Variants in BLOC1S3 observed in about 807,000 individuals in gnomAD.
BLOC1S3 encodes the protein biogenesis of lysosome-related organelles complex 1 subunit 3.
BLOC1S3 carries 7 observed loss-of-function variants against 9.1 expected under a neutral mutation model. That is an observed-to-expected ratio of 0.77 (90% CI 0.44 to 1.45). The LOEUF is 1.45. Ranked by LOEUF, BLOC1S3 falls within the 40% of genes most tolerant of loss-of-function variation. BLOC1S3 has a pLI of 0.01. For synonymous variants in BLOC1S3, 145 were observed against 158.4 expected (o/e 0.92, Z 0.64); for missense variants, 307 against 315.2 (o/e 0.97, Z 0.20).
chr19:45,179,733 TGGCGGCAGCCCA>T lies in BLOC1S3; in HGVS notation c.444_455del (p.Ala149_Ala152del). 3 of 1,460,996 alleles carry T rather than the reference TGGCGGCAGCCCA, an allele frequency of 2.1e-6. No individual in the cohort carries two copies. Among genetic ancestry groups the T allele is most frequent in the Non-Finnish European group, 2.7e-6 (3 of 1,115,296 alleles). 90.5% of individuals were successfully genotyped at this position (1,460,996 alleles called of 1,614,324 possible). A position where few individuals can be genotyped will look rare whatever the true frequency, so the allele number is the denominator to read the frequency against. ...GACGTGGCCGCCCTGGCTAGTAGGC[TGGCGGCAGCCCA>T]GGCGGCGGGGCTGGCGGCGGCCCAC... On this transcript the variant is annotated inframe_deletion, in exon 2 of 2. Coordinates refer to ENST00000433642, the MANE Select transcript of BLOC1S3 (RefSeq NM_212550.5). This position sits in a 1 kb window ranked among gnomAD's most constrained non-coding sequence, Gnocchi z 4.6.
At chr19:45,191,093 CCA>C (rs1040216420) in intron 2 of BLOC1S3, among the ~76,000 whole-genome samples, 1 of 151,090 alleles carries the variant, frequency 6.6e-6, no homozygotes, top group African/African-American at 2.4e-5. Flanking sequence ...GCGTGAGCCA[CCA>C]CACCCAGCCT....
Position 45,179,343 on chromosome 19 carries a change from CG to C in BLOC1S3, c.49del (p.Val17TrpfsTer112). 1 of 1,586,068 alleles carries C rather than the reference CG, an allele frequency of 6.3e-7. No individual in the cohort carries two copies. The highest frequency in any genetic ancestry group is 8.5e-7 in the Non-Finnish European group (1 of 1,174,614). On this transcript the variant is annotated frameshift_variant, in exon 2 of 2. Transcript: ENST00000433642. LOFTEE classifies it high-confidence loss of function. The surrounding 1 kb of genome is among the most constrained non-coding windows in gnomAD (Gnocchi z 4.6). The part of the protein sequence containing the change: ...RRRRPLRRPE[T>X]VVPGEATETD... The stretch of plus-strand genomic sequence containing the variant: ...CGGAGGCCCCTGCGGAGGCCGGAGA[CG>C]GTGGTGCCGGGGGAGGCGACCGAGA...
Position 45,179,397 on chromosome 19 carries a change from C to G in BLOC1S3, c.101C>G (p.Ser34Trp), listed in dbSNP as rs567410388. Residue 34 changes from serine to tryptophan, a missense_variant, in exon 2 of 2, where the codon TCG becomes TGG. Coordinates refer to ENST00000433642, the MANE Select transcript of BLOC1S3 (RefSeq NM_212550.5). This position sits in a 1 kb window ranked among gnomAD's most constrained non-coding sequence, Gnocchi z 4.6. ...GATTCCGAGCGCTCTGCGTCCTCGT[C>G]GGAGGAGGAGGAGCTGTACCTGGGT... ...ETDSERSASSSEEEELYLGPS... is the reference protein window; with the variant it reads ...ETDSERSASSWEEEELYLGPS... 1.9e-6 allele frequency: 3 copies of G among 1,575,194 alleles called. No individual in the cohort carries two copies. The highest frequency in any genetic ancestry group is 1.4e-5 in the African/African-American group (1 of 73,116).
chr19:45,211,321 G>A (rs8112823), intron 3 of BLOC1S3, among the ~76,000 whole-genome samples: 38,018 of 151,342 alleles, frequency 0.25, 6,107 homozygotes, highest in Middle Eastern at 0.47. Flanking sequence ...ACATGGTGAA[G>A]CCCCGTCTCT....
Position 45,179,391 on chromosome 19 carries a change from C to T in BLOC1S3, c.95C>T (p.Ser32Phe), listed in dbSNP as rs1280426153. ...GAGACGGATTCCGAGCGCTCTGCGT[C>T]CTCGTCGGAGGAGGAGGAGCTGTAC... ...ATETDSERSA[S>F]SSEEEELYLG... Residue 32 changes from serine to phenylalanine, a missense_variant, in exon 2 of 2, where the codon TCC becomes TTC. Coordinates refer to ENST00000433642, the MANE Select transcript of BLOC1S3 (RefSeq NM_212550.5). This position sits in a 1 kb window ranked among gnomAD's most constrained non-coding sequence, Gnocchi z 4.6. 13 of 1,578,626 alleles carry T rather than the reference C, an allele frequency of 8.2e-6. No homozygotes were observed. Among genetic ancestry groups the T allele is most frequent in the African/African-American group, 2.7e-5 (2 of 73,062 alleles).
chr19:45,198,606 T>TG (rs1969666995), intron 2 of BLOC1S3, among the ~76,000 whole-genome samples: 1 of 152,176 alleles, frequency 6.6e-6, no homozygotes, highest in Non-Finnish European at 1.5e-5. Flanking sequence ...CTTCATCACT[T>TG]TCAATATGTC....
intron 3 of BLOC1S3, chr19:45,212,945 A>T: frequency 8.6e-7 from 1 of 1,158,886 alleles, no homozygotes; most frequent in Non-Finnish European, 1.1e-6. Context: ...GTGAAAAGAC[A>T]TCTAAGGGTC....
In BLOC1S3 at chr19:45,190,530, G is replaced by A. The variant is rs1403829349; in HGVS notation, n.180+2790G>A. 2.6e-5 allele frequency among the ~76,000 whole-genome samples: 4 copies of A among 151,682 alleles called. No individual in the cohort carries two copies. In the East Asian group the frequency reaches 7.8e-4, roughly 30 times the overall value. On this transcript the variant is annotated intron_variant and non_coding_transcript_variant, in intron 2 of 3. Transcript: ENST00000591569. ...TCCTCTCACCTTAGCCTCCTGAGTA[G>A]CTGGGACCACAGGTGCACACTACCA...
chr19:45,193,815 G>GT (rs1969625155), intron 2 of BLOC1S3, among the ~76,000 whole-genome samples: 1 of 90,232 alleles, frequency 1.1e-5, no homozygotes. Flanking sequence ...TGTTGTTTTT[G>GT]TTTTTGAGAT....
At chr19:45,191,417 G>A (rs1344400073) in intron 2 of BLOC1S3, among the ~76,000 whole-genome samples, 12 of 152,160 alleles carry the variant, frequency 7.9e-5, no homozygotes, top group East Asian at 1.9e-4. Context: ...CACTGTGCCC[G>A]GCCGGCTTTA....
Position 45,179,933 on chromosome 19 carries a change from C to T in BLOC1S3, c.*28C>T, listed in dbSNP as rs187399565. 4.8e-5 allele frequency: 77 copies of T among 1,601,470 alleles called. No homozygotes were observed. In the African/African-American group the frequency reaches 9.5e-4, roughly 20 times the overall value. Reference sequence around the variant, plus strand: ...ATGATTCTACTTCCCAACCTGACTGCAATTTGGGGGTAGGCCTTGCTGCCT... The same window carrying T: ...ATGATTCTACTTCCCAACCTGACTGTAATTTGGGGGTAGGCCTTGCTGCCT... On this transcript the variant is annotated 3_prime_UTR_variant, in exon 2 of 2. Transcript: ENST00000433642. The surrounding 1 kb of genome is among the most constrained non-coding windows in gnomAD (Gnocchi z 4.6).
At chr19:45,197,500 A>G (rs1969657595) in intron 2 of BLOC1S3, among the ~76,000 whole-genome samples, 1 of 55,820 alleles carries the variant, frequency 1.8e-5, no homozygotes, top group African/African-American at 5.2e-5. Flanking sequence ...AACAACCACC[A>G]AAAAAAAAGA....
At chr19:45,215,532 T>C (rs183787273) in intron 3 of BLOC1S3, among the ~76,000 whole-genome samples, 1 of 152,194 alleles carries the variant, frequency 6.6e-6, no homozygotes, top group East Asian at 1.9e-4. Context: ...TAAGAACTCA[T>C]TGAGTGAGAA....
At chr19:45,210,137 A>C (rs1673272984) in intron 3 of BLOC1S3, among the ~76,000 whole-genome samples, 1 of 152,178 alleles carries the variant, frequency 6.6e-6, no homozygotes, top group African/African-American at 2.4e-5. Context: ...AAAAGTCCAA[A>C]ATAGGTAGAT....
At chr19:45,183,282 C>T (rs1269117133), downstream of BLOC1S3, among the ~76,000 whole-genome samples, 1 of 152,004 alleles carries the variant, frequency 6.6e-6, no homozygotes, top group Non-Finnish European at 1.5e-5. Flanking sequence ...GAGTTCGAGA[C>T]CAGCCTGGCC....
intron 2 of BLOC1S3, among the ~76,000 whole-genome samples, chr19:45,196,262 C>T (rs1969647503): frequency 6.6e-6 from 1 of 152,086 alleles, no homozygotes; most frequent in African/African-American, 2.4e-5. Context: ...CCTATGATCC[C>T]AGCTACTTGG....
At chr19:45,185,359 C>T (rs904941196), downstream of BLOC1S3, among the ~76,000 whole-genome samples, 39 of 152,270 alleles carry the variant, frequency 2.6e-4, no homozygotes, top group African/African-American at 6.7e-4. Flanking sequence ...GGCCTTCACA[C>T]CATCACACGG....
chr19:45,179,444 C>T lies in BLOC1S3; in HGVS notation c.148C>T (p.Arg50Cys), dbSNP rs569684699. The T allele has an allele frequency of 3.0e-5, 46 of 1,524,522 alleles. No homozygotes were observed. The East Asian group carries it at 9.4e-4, about 31-fold the overall frequency. 94.4% of individuals were successfully genotyped at this position (1,524,522 alleles called of 1,614,324 possible). Residue 50 changes from arginine (R) to cysteine (C), a missense_variant, in exon 2 of 2, where the codon CGC becomes TGC. By Grantham distance (180) the Arg-to-Cys change is radical. Coordinates refer to ENST00000433642, the MANE Select transcript of BLOC1S3 (RefSeq NM_212550.5). The surrounding 1 kb of genome is among the most constrained non-coding windows in gnomAD (Gnocchi z 4.6). ...YLGPSGPTRG[R>C]PTGLRVAGEA... Reference sequence around the variant, plus strand: ...GGGTCCTTCGGGCCCGACGCGCGGCCGCCCCACGGGGCTGCGGGTGGCTGG... The same window carrying T: ...GGGTCCTTCGGGCCCGACGCGCGGCTGCCCCACGGGGCTGCGGGTGGCTGG...
chr19:45,179,717 G>A lies in BLOC1S3; in HGVS notation c.421G>A (p.Ala141Thr). The change falls in exon 2 of 2, where the codon GCC becomes ACC. Residue 141 changes from alanine (A) to threonine (T), a missense_variant. Physicochemically the swap from Ala to Thr is moderately conservative, Grantham distance 58. Coordinates refer to ENST00000433642, the MANE Select transcript of BLOC1S3 (RefSeq NM_212550.5). This position sits in a 1 kb window ranked among gnomAD's most constrained non-coding sequence, Gnocchi z 4.6. Reference protein sequence around the residue: ...VYRRAGRDVAALASRLAAAQA... With the variant: ...VYRRAGRDVATLASRLAAAQA... ...CCGCCGTGCAGGCCGCGACGTGGCC[G>A]CCCTGGCTAGTAGGCTGGCGGCAGC... is the stretch of plus-strand genomic sequence containing the variant. 6.9e-7 allele frequency: 1 copy of A among 1,459,088 alleles called. No individual in the cohort carries two copies. Among genetic ancestry groups the A allele is most frequent in the Non-Finnish European group, 9.0e-7 (1 of 1,112,872 alleles). 90.4% of individuals were successfully genotyped at this position (1,459,088 alleles called of 1,614,324 possible).
Sources: gnomAD v4.1 joint callset for allele counts (sites outside exome capture counted in the v4.1 genomes callset) on GRCh38, gnomAD v4.1.1 for gene constraint, Gnocchi (gnomAD v3.1) non-coding constraint, MANE v1.5 for transcripts, NCBI Gene and HGNC (gene_info 2026-07-23, HGNC 2026-07-21) for gene names.